The following LRRC4C variants were observed in gnomAD, a reference collection of about 807,000 sequenced individuals.
LRRC4C encodes leucine rich repeat containing 4C.
LRRC4C carries 5 observed loss-of-function variants against 33.6 expected under a neutral mutation model. The observed-to-expected ratio is 0.15, with a 90% CI of 0.08 to 0.31. LRRC4C has a LOEUF of 0.31. Among genes scored for constraint, LRRC4C ranks in the 10% least tolerant of loss-of-function variants. LRRC4C has a pLI of 1.00. For synonymous variants in LRRC4C, 329 were observed against 302.0 expected (o/e 1.09, Z -0.93); for missense variants, 560 against 796.7 (o/e 0.70, Z 3.58).
chr11:40,586,102 T>C (rs1300234546), intron 3 of LRRC4C, among the ~76,000 whole-genome samples: 2 of 146,226 alleles, frequency 1.4e-5, no homozygotes, highest in Admixed American at 6.9e-5. Flanking sequence ...AGTGTAAAAG[T>C]GTTCCTATTT....
chr11:41,442,531 A>G (rs1324654800), intron 1 of LRRC4C, among the ~76,000 whole-genome samples: 289 of 120,662 alleles, frequency 2.4e-3, no homozygotes, highest in African/African-American at 8.3e-3. Flanking sequence ...GTGCAGTGGC[A>G]CAATCTCGGC....
At chr11:40,969,225 G>C (rs1364280399) in intron 1 of LRRC4C, among the ~76,000 whole-genome samples, 1 of 152,142 alleles carries the variant, frequency 6.6e-6, no homozygotes, top group Non-Finnish European at 1.5e-5. Flanking sequence ...GTCTAAAGCT[G>C]TAATCAAATT....
chr11:41,080,342 C>CTTTTTTTTTTTTTTTTTTTTTTTTTTT (rs71060997), intron 1 of LRRC4C, among the ~76,000 whole-genome samples: 3 of 103,434 alleles, frequency 2.9e-5, no homozygotes, highest in Non-Finnish European at 1.8e-5. Flanking sequence ...GAGTCTCCTC[C>CTTTTTTTTTTTTTTTTTTTTTTTTTTT]TTTTTTTTTT....
intron 3 of LRRC4C, among the ~76,000 whole-genome samples, chr11:40,330,945 C>A (rs1240479374): frequency 6.6e-6 from 1 of 152,116 alleles, no homozygotes; most frequent in East Asian, 1.9e-4. Context: ...AATTTTGTAT[C>A]CATTAACCAA....
intron 3 of LRRC4C, among the ~76,000 whole-genome samples, chr11:40,352,110 T>TCTTCCTTCCTTCCTTC (rs200446819): frequency 6.5e-5 from 8 of 123,830 alleles, no homozygotes; most frequent in East Asian, 4.5e-4. Flanking sequence ...TTCCTTTCTT[T>TCTTCCTTCCTTCCTTC]CTTCCTTCCT....
intron 1 of LRRC4C, among the ~76,000 whole-genome samples, chr11:41,304,817 TG>T (rs1950429751): frequency 1.3e-5 from 1 of 79,518 alleles, no homozygotes; most frequent in African/African-American, 5.9e-5. Context: ...GGGAGGGAGG[TG>T]GGGGGGTCAG....
chr11:40,140,373 A>G (rs2134963960), intron 6 of LRRC4C, among the ~76,000 whole-genome samples: 1 of 152,226 alleles, frequency 6.6e-6, no homozygotes, highest in East Asian at 1.9e-4. Context: ...GTAAAGAGGG[A>G]GCTTCAGAAA....
intron 3 of LRRC4C, among the ~76,000 whole-genome samples, chr11:40,469,591 G>A (rs933786738): frequency 6.6e-6 from 1 of 152,104 alleles, no homozygotes; most frequent in African/African-American, 2.4e-5. Context: ...TAGCTCAGTG[G>A]ATCCCACCCC....
At chr11:40,628,113 T>G (rs182075390) in intron 3 of LRRC4C, among the ~76,000 whole-genome samples, 384 of 152,366 alleles carry the variant, frequency 2.5e-3, no homozygotes, top group Non-Finnish European at 4.0e-3. Context: ...AGTTTTATTA[T>G]AACCAGATAA....
intron 2 of LRRC4C, among the ~76,000 whole-genome samples, chr11:40,906,693 T>C (rs10768647): frequency 0.13 from 19,188 of 149,588 alleles, 1,878 homozygotes; most frequent in African/African-American, 0.26. Context: ...TGTTTCCCTC[T>C]CTCTCTCTCT....
intron 3 of LRRC4C, among the ~76,000 whole-genome samples, chr11:40,452,187 C>T (rs557953428): frequency 6.6e-6 from 1 of 151,648 alleles, no homozygotes; most frequent in Non-Finnish European, 1.5e-5. Context: ...AATGGGATCT[C>T]ATTAAACTAA....
intron 1 of LRRC4C, among the ~76,000 whole-genome samples, chr11:41,292,829 A>T (rs973885118): frequency 3.9e-5 from 6 of 152,128 alleles, no homozygotes; most frequent in African/African-American, 1.4e-4. Flanking sequence ...AATCTTAAAA[A>T]ATTTTTCAGG....
At chr11:40,613,180 T>G (rs1044858822) in intron 3 of LRRC4C, among the ~76,000 whole-genome samples, 1 of 151,904 alleles carries the variant, frequency 6.6e-6, no homozygotes, top group Non-Finnish European at 1.5e-5. Context: ...TGACTCTTTC[T>G]TTCATGAAAC....
At chr11:40,244,440 T>C (rs573253234) in intron 4 of LRRC4C, among the ~76,000 whole-genome samples, 91 of 152,236 alleles carry the variant, frequency 6.0e-4, no homozygotes, top group African/African-American at 2.2e-3. Flanking sequence ...TGAACTCCTA[T>C]GGTAGGAAGA....
At chr11:40,343,703 G>A (rs1308475569) in intron 3 of LRRC4C, among the ~76,000 whole-genome samples, 1 of 66,668 alleles carries the variant, frequency 1.5e-5, no homozygotes, top group Non-Finnish European at 3.1e-5. Context: ...TCCAGGAGTT[G>A]TTTTTTTGAA....
chr11:41,389,735 T>C (rs765350585), intron 1 of LRRC4C, among the ~76,000 whole-genome samples: 2 of 151,294 alleles, frequency 1.3e-5, no homozygotes, highest in African/African-American at 2.4e-5. Flanking sequence ...ACCAGACTGC[T>C]GGCCAGTGAT....
chr11:40,207,174 T>TC (rs770119599), intron 5 of LRRC4C, among the ~76,000 whole-genome samples: 71 of 152,168 alleles, frequency 4.7e-4, no homozygotes, highest in Non-Finnish European at 8.7e-4. Flanking sequence ...TGGCATTTTT[T>TC]CTCTCCTTTG....
chr11:40,286,658 G>C (rs896432458), intron 4 of LRRC4C, among the ~76,000 whole-genome samples: 3 of 152,110 alleles, frequency 2.0e-5, no homozygotes, highest in Non-Finnish European at 4.4e-5. Context: ...AAAAGAAAGT[G>C]GGCTAGCAAT....
At chr11:41,193,286 G>C (rs777790262) in intron 1 of LRRC4C, among the ~76,000 whole-genome samples, 1 of 152,048 alleles carries the variant, frequency 6.6e-6, no homozygotes, top group African/African-American at 2.4e-5. Flanking sequence ...AAGACTGAAG[G>C]AATCAGAGTC....
Sources: gnomAD v4.1 joint callset for allele counts (sites outside exome capture counted in the v4.1 genomes callset) on GRCh38, gnomAD v4.1.1 for gene constraint, MANE v1.5 for transcripts, NCBI Gene and HGNC (gene_info 2026-07-23, HGNC 2026-07-21) for gene names.